Variants in MORF4L1 observed in about 807,000 individuals in gnomAD.
The protein encoded by MORF4L1 is mortality factor 4-like protein 1.
Under a neutral mutation model 52.9 loss-of-function variants are expected in MORF4L1, and 4 were observed. The ratio of observed to expected loss-of-function variants is 0.08; its 90% CI spans 0.04 to 0.17. MORF4L1 has a LOEUF of 0.17. MORF4L1 is among the 10% of genes least tolerant of loss of function. The probability of loss-of-function intolerance (pLI) is 1.00; values close to 1 mark genes in which losing one functional copy is unlikely to be tolerated. For synonymous variants in MORF4L1, 123 were observed against 134.8 expected (o/e 0.91, Z 0.61); for missense variants, 214 against 390.4 (o/e 0.55, Z 3.81).
intron 11 of MORF4L1, among the ~76,000 whole-genome samples, chr15:78,896,022 A>G (rs779811778): frequency 7.2e-5 from 11 of 151,922 alleles, no homozygotes; most frequent in Non-Finnish European, 1.0e-4. Context: ...TCTGTCGCCC[A>G]GGCTGGAGTG....
In MORF4L1 at chr15:78,878,275, T is replaced by C. The variant is rs543996881; in HGVS notation, c.87+16T>C. ...TGAAGCAAAGGTATGAAACTTGTTT[T>C]CTTTTGAGAAGTTGGCCAAAACTAC... On this transcript the variant is annotated intron_variant, in intron 2 of 11. Transcript: ENST00000426013. 4.3e-6 allele frequency: 7 copies of C among 1,609,578 alleles called. No homozygotes were observed. In the African/African-American group the frequency reaches 9.3e-5, roughly 21 times the overall value.
intron 5 of MORF4L1, 185 bp downstream of exon 5, chr15:78,887,534 G>T (rs2056726324): frequency 2.1e-6 from 1 of 472,406 alleles, no homozygotes; most frequent in Non-Finnish European, 3.8e-6. Context: ...TTCCTCAGCA[G>T]GTTCCCCCTC....
intron 4 of MORF4L1, 99 bp from the exon 5 acceptor site, chr15:78,887,170 C>A: frequency 2.0e-6 from 2 of 1,009,744 alleles, no homozygotes; most frequent in South Asian, 1.5e-5. Flanking sequence ...AAACTTGTTG[C>A]CAGAATTTGA....
At chr15:78,879,800 G>C (rs1020637536) in intron 2 of MORF4L1, among the ~76,000 whole-genome samples, 1 of 151,490 alleles carries the variant, frequency 6.6e-6, no homozygotes, top group Non-Finnish European at 1.5e-5. Flanking sequence ...ATTATGTCCT[G>C]TTAATCGTTT....
chr15:78,888,174 T>C (rs1248316046), intron 5 of MORF4L1, among the ~76,000 whole-genome samples: 1 of 152,190 alleles, frequency 6.6e-6, no homozygotes, highest in Non-Finnish European at 1.5e-5. Flanking sequence ...GTTTAAAGTT[T>C]ATGTAGGACG....
chr15:78,893,615 A>G lies in MORF4L1; in HGVS notation c.617A>G (p.Asn206Ser), dbSNP rs1444450575. 1.6e-5 allele frequency: 25 copies of G among 1,581,672 alleles called. No individual in the cohort carries two copies. Among genetic ancestry groups the G allele is most frequent in the Non-Finnish European group, 2.2e-5 (25 of 1,153,998 alleles). ...DYANYKKSRGNTDNKEYAVNE... is the reference protein window; with the variant it reads ...DYANYKKSRGSTDNKEYAVNE... ...GCAAATTACAAGAAATCTCGTGGAA[A>G]CACAGATAATAAGTAAGAATATACA... Residue 206 changes from asparagine (N) to serine (S), a missense_variant, in exon 9 of 12, where the codon AAC (asparagine) becomes AGC (serine). Asn to Ser is a conservative substitution (Grantham distance 46). Around this residue, in one of 5 missense-constraint regions of MORF4L1, gnomAD observed 68 missense variants for 171.6 expected, o/e 0.40. Transcript: ENST00000426013.
At chr15:78,896,015 G>T (rs1241954249) in intron 11 of MORF4L1, among the ~76,000 whole-genome samples, 2 of 151,834 alleles carry the variant, frequency 1.3e-5, no homozygotes, top group African/African-American at 4.8e-5. Context: ...GTCTTGCTCT[G>T]TCGCCCAGGC....
In MORF4L1 at chr15:78,894,436, A is replaced by T. The variant is rs1042288724; in HGVS notation, c.802+206A>T. The T allele has an allele frequency of 1.3e-4, 44 of 336,292 alleles. 1 individual carries two copies. Among genetic ancestry groups the T allele is most frequent in the African/African-American group, 2.0e-4 (4 of 20,440 alleles). 20.8% of individuals were successfully genotyped at this position (336,292 alleles called of 1,614,324 possible). A position where few individuals can be genotyped will look rare whatever the true frequency, so the allele number is the denominator to read the frequency against. The stretch of plus-strand genomic sequence containing the variant: ...TTATAATTTTTTTTTTTTGAGACAG[A>T]CAGTCTCTGTTGCCCAGGCTGGAGT... On this transcript the variant is annotated intron_variant, in intron 10 of 11. Coordinates refer to ENST00000426013, the MANE Select transcript of MORF4L1 (RefSeq NM_006791.4).
At position 78,891,530 on chromosome 15, in the gene MORF4L1, T is replaced by G; in HGVS notation, c.396T>G (p.Pro132=). ...GCAGTACCAGTGAGACCCCTCAGCC[T>G]CCTCGGAAGAAAAGGGCCCGGGTAG... ...DGGSTSETPQ[P]PRKKRARVDP... is the part of the protein sequence containing the mutation. The change falls in exon 7 of 12, where the codon CCT becomes CCG. Residue 132 remains proline (P), a synonymous_variant. Coordinates refer to ENST00000426013, the MANE Select transcript of MORF4L1 (RefSeq NM_006791.4). The G allele has an allele frequency of 6.2e-7, 1 of 1,614,104 alleles. No homozygotes were observed.
intron 1 of MORF4L1, among the ~76,000 whole-genome samples, chr15:78,874,164 A>T (rs539960654): frequency 4.6e-5 from 7 of 152,222 alleles, no homozygotes; most frequent in African/African-American, 1.7e-4. Flanking sequence ...CTGTTGAGAA[A>T]GGAGGAACAC....
At chr15:78,880,270 C>T (rs1334442211) in intron 2 of MORF4L1, among the ~76,000 whole-genome samples, 1 of 152,194 alleles carries the variant, frequency 6.6e-6, no homozygotes, top group African/African-American at 2.4e-5. Flanking sequence ...CCTTGGATAG[C>T]TTTTGTAATC....
chr15:78,885,087 A>G, intron 3 of MORF4L1: 1 of 1,589,568 alleles, frequency 6.3e-7, no homozygotes, highest in Non-Finnish European at 8.6e-7. Context: ...CCTCTAGGTA[A>G]ATGCATGTTT....
chr15:78,896,208 G>T (rs1230610319), intron 11 of MORF4L1, among the ~76,000 whole-genome samples: 1 of 151,840 alleles, frequency 6.6e-6, no homozygotes, highest in Admixed American at 6.6e-5. Context: ...TGAACTCCTG[G>T]CCTCAAATTT....
At chr15:78,874,401 C>A (rs2056438566) in intron 1 of MORF4L1, among the ~76,000 whole-genome samples, 1 of 152,000 alleles carries the variant, frequency 6.6e-6, no homozygotes, top group Admixed American at 6.6e-5. Context: ...ATTTTTGAGA[C>A]GATGTTTGTC....
rs181708046 is a variant in MORF4L1, at chr15:78,895,868, A to G, written c.887+964A>G. Among the ~76,000 whole-genome samples, 11 of 152,226 alleles carry G rather than the reference A, an allele frequency of 7.2e-5. No homozygotes were observed. In the East Asian group the frequency reaches 1.2e-3, roughly 16 times the overall value. ...ACGTGGACTTGAGAATGTAGGCAAGATTTATCATCTTTTCTTTACTAATGA... is the reference window on the plus strand; with the variant it reads ...ACGTGGACTTGAGAATGTAGGCAAGGTTTATCATCTTTTCTTTACTAATGA... On this transcript the variant is annotated intron_variant, in intron 11 of 11. Transcript: ENST00000426013.
intron 1 of MORF4L1, chr15:78,873,586 T>G (rs2056414945): frequency 6.0e-6 from 1 of 165,926 alleles, no homozygotes; most frequent in African/African-American, 2.4e-5. Flanking sequence ...AGAAGTGCGT[T>G]GTAAAATGGC....
At chr15:78,874,163 A>G (rs2056432270) in intron 1 of MORF4L1, among the ~76,000 whole-genome samples, 1 of 152,254 alleles carries the variant, frequency 6.6e-6, no homozygotes, top group Non-Finnish European at 1.5e-5. Context: ...CCTGTTGAGA[A>G]AGGAGGAACA....
At position 78,881,100 on chromosome 15, in the gene MORF4L1, A is replaced by G. The variant is rs16970179; in HGVS notation, c.155+521A>G. 6.2e-3 allele frequency among the ~76,000 whole-genome samples: 938 copies of G among 150,884 alleles called. 21 individuals carry two copies. The East Asian group carries it at 0.081, about 13-fold the overall frequency. ...GAAACATTATTTAGTGTTGACCGAA[A>G]ATGACTTCATGTGACTCACTTTTTA... On this transcript the variant is annotated intron_variant, in intron 3 of 11. Transcript: ENST00000426013.
intron 1 of MORF4L1, chr15:78,877,900 AAACCAACC>A (rs138617145): frequency 0.13 from 33,174 of 251,796 alleles, 2,272 homozygotes; most frequent in East Asian, 0.25. Context: ...TATATAGTTA[AAACCAACC>A]AACCAACCAA....
Sources: gnomAD v4.1 joint callset for allele counts (sites outside exome capture counted in the v4.1 genomes callset) on GRCh38, gnomAD v4.1.1 for gene constraint, gnomAD v4.1.1 regional missense constraint, MANE v1.5 for transcripts, NCBI Gene and HGNC (gene_info 2026-07-23, HGNC 2026-07-21) for gene names.